PAM: variants seen among roughly 807,000 people sequenced by gnomAD.
PAM encodes peptidylglycine alpha-amidating monooxygenase, also known as peptidyl-glycine alpha-amidating monooxygenase.
A neutral mutation model predicts 122.1 loss-of-function variants in PAM; 72 were observed. That is an observed-to-expected ratio of 0.59 (90% confidence interval 0.49 to 0.72). The LOEUF (loss-of-function observed/expected upper bound fraction) is 0.72, where lower values mean the gene tolerates loss of function less well. PAM is among the 30% of genes least tolerant of loss of function. The pLI is 0.00. For missense variants in PAM, 1,106 were observed against 1,183.7 expected, an observed-to-expected ratio of 0.93 and a Z score of 0.96; for synonymous variants, 389 against 404.4, an observed-to-expected ratio of 0.96 and a Z score of 0.46.
downstream of PAM, chr5:103,030,437 T>TC (rs1786090228): frequency 6.6e-6 from 1 of 152,242 alleles, no homozygotes; most frequent in Non-Finnish European, 1.5e-5. Context: ...AACCTGTTTT[T>TC]CCGGCATCAT....
At chr5:102,972,140 C>G (rs1292945273) in intron 14 of PAM, among the ~76,000 whole-genome samples, 1 of 152,100 alleles carries the variant, frequency 6.6e-6, no homozygotes, top group South Asian at 2.1e-4. Flanking sequence ...TAGTTCTGAA[C>G]CTGTCTTCCT....
At chr5:103,010,344 C>T (rs1436453899) in intron 21 of PAM, among the ~76,000 whole-genome samples, 2 of 152,308 alleles carry the variant, frequency 1.3e-5, no homozygotes, top group African/African-American at 4.8e-5. Context: ...GGAATTTATT[C>T]AAGTTCTAAA....
At chr5:102,806,539 C>T (rs151253714) in intron 1 of PAM, among the ~76,000 whole-genome samples, 269 of 152,240 alleles carry the variant, frequency 1.8e-3, no homozygotes, top group African/African-American at 6.4e-3. Context: ...CAGATGAATA[C>T]ATGTATTTAT....
intron 22 of PAM, among the ~76,000 whole-genome samples, chr5:103,017,656 G>C (rs576226204): frequency 6.6e-6 from 1 of 152,274 alleles, no homozygotes; most frequent in South Asian, 2.1e-4. Flanking sequence ...CTTGATGCCT[G>C]AAGTACTGTC....
chr5:102,955,378 C>A (rs763844630), intron 12 of PAM, among the ~76,000 whole-genome samples: 14 of 151,926 alleles, frequency 9.2e-5, no homozygotes, highest in East Asian at 1.9e-4. Flanking sequence ...TCCCACAGAT[C>A]AATTGAGTAC....
At chr5:103,004,928 A>C (rs911555332) in intron 17 of PAM, among the ~76,000 whole-genome samples, 1 of 152,198 alleles carries the variant, frequency 6.6e-6, no homozygotes, top group Non-Finnish European at 1.5e-5. Flanking sequence ...ATGTAGGCTT[A>C]ATTTATAAAT....
downstream of PAM, chr5:103,030,067 T>C (rs1165183617): frequency 1.3e-5 from 2 of 152,168 alleles, no homozygotes; most frequent in African/African-American, 2.4e-5. Context: ...ATAATAGTTT[T>C]CCTTTTAAAA....
chr5:102,916,941 CA>C (rs1803317088), intron 5 of PAM, among the ~76,000 whole-genome samples: 1 of 151,996 alleles, frequency 6.6e-6, no homozygotes, highest in African/African-American at 2.4e-5. Context: ...CCATGTTGGC[CA>C]GGCTGGTCTC....
At chr5:102,939,445 G>A (rs1754357548) in intron 7 of PAM, among the ~76,000 whole-genome samples, 1 of 152,068 alleles carries the variant, frequency 6.6e-6, no homozygotes, top group African/African-American at 2.4e-5. Flanking sequence ...TGAAAGTAAA[G>A]TAAAATCTGG....
At chr5:102,883,592 C>G (rs750036185) in intron 3 of PAM, among the ~76,000 whole-genome samples, 1 of 151,762 alleles carries the variant, frequency 6.6e-6, no homozygotes, top group Non-Finnish European at 1.5e-5. Flanking sequence ...AATTCATTTA[C>G]CAGGTCTAGG....
intron 1 of PAM, among the ~76,000 whole-genome samples, chr5:102,777,407 C>T (rs1757455786): frequency 6.6e-6 from 1 of 152,052 alleles, no homozygotes; most frequent in Non-Finnish European, 1.5e-5. Context: ...TATCTGTTCC[C>T]ACTAGAATTG....
chr5:102,998,438 T>C (rs952957981), intron 16 of PAM, among the ~76,000 whole-genome samples: 2 of 152,188 alleles, frequency 1.3e-5, no homozygotes, highest in African/African-American at 4.8e-5. Context: ...TATTATTAGC[T>C]GTCAGTGGTG....
chr5:102,995,323 C>T (rs1775368843), intron 16 of PAM, among the ~76,000 whole-genome samples: 1 of 152,092 alleles, frequency 6.6e-6, no homozygotes, highest in Non-Finnish European at 1.5e-5. Flanking sequence ...GAGCCTTTTT[C>T]TTCCAGTTTT....
At position 102,955,560 on chromosome 5, in the gene PAM, C is replaced by G. The variant is rs370486663; in HGVS notation, c.906-4315C>G. 1.4e-4 allele frequency among the ~76,000 whole-genome samples: 21 copies of G among 152,132 alleles called. No homozygotes were observed. In the East Asian group the frequency reaches 3.9e-3, roughly 28 times the overall value. On this transcript the variant is annotated intron_variant, in intron 12 of 25. Coordinates refer to ENST00000438793, the MANE Select transcript of PAM (RefSeq NM_001177306.2). The stretch of plus-strand genomic sequence containing the variant: ...CTCACACATTATGTCAGACCTAAAG[C>G]TATTTATATTAAGTATGCCAGTATA...
upstream of PAM, chr5:102,755,215 C>CCCGCCA (rs1365106152): frequency 6.6e-6 from 1 of 152,412 alleles, no homozygotes; most frequent in Admixed American, 6.5e-5. Context: ...AGAGGGAGCC[C>CCCGCCA]CCGCCACCGC....
At chr5:103,018,491 G>T (rs1782648475) in intron 22 of PAM, among the ~76,000 whole-genome samples, 1 of 152,280 alleles carries the variant, frequency 6.6e-6, no homozygotes, top group East Asian at 1.9e-4. Flanking sequence ...TTAGGGTTGA[G>T]TGAGCAGAGA....
At chr5:102,872,970 A>G (rs1240323073) in intron 3 of PAM, among the ~76,000 whole-genome samples, 3 of 152,052 alleles carry the variant, frequency 2.0e-5, no homozygotes, top group Admixed American at 6.6e-5. Context: ...ACAGCCTACT[A>G]TGCTTTTACC....
chr5:102,946,585 A>C (rs1757119001), intron 7 of PAM, among the ~76,000 whole-genome samples: 1 of 148,160 alleles, frequency 6.7e-6, no homozygotes, highest in Admixed American at 6.9e-5. Flanking sequence ...AAGTCAATAT[A>C]TTGGTCAGTT....
chr5:102,951,969 G>A (rs974491868), intron 12 of PAM, among the ~76,000 whole-genome samples: 1 of 151,938 alleles, frequency 6.6e-6, no homozygotes, highest in Non-Finnish European at 1.5e-5. Context: ...AGAGCATAAC[G>A]AGTCCCTTCT....
Sources: allele counts gnomAD v4.1 joint callset (sites outside exome capture counted in the v4.1 genomes callset), GRCh38; gene constraint gnomAD v4.1.1; transcripts MANE v1.5; gene names NCBI Gene and HGNC (gene_info 2026-07-23, HGNC 2026-07-21).